ADGRL2: variants seen among roughly 807,000 people sequenced by gnomAD.
ADGRL2 encodes calcium-independent alpha-latrotoxin receptor 2.
In ADGRL2, 44 loss-of-function variants were observed where a neutral mutation model predicts 157.4. The observed-to-expected ratio is 0.28, with a 90% CI of 0.22 to 0.36. ADGRL2 has a LOEUF of 0.36. Ranked by LOEUF, ADGRL2 falls within the 10% of genes least tolerant of loss-of-function variation. The pLI is 1.00. For missense variants in ADGRL2, 1,510 were observed against 1,768.9 expected (o/e 0.85, Z 2.63); for synonymous variants, 585 against 624.7 (o/e 0.94, Z 0.95).
chr1:81,924,891 T>G (rs1472846678), intron 3 of ADGRL2, among the ~76,000 whole-genome samples: 1 of 152,158 alleles, frequency 6.6e-6, no homozygotes, highest in Non-Finnish European at 1.5e-5. Context: ...TTGGTACTAC[T>G]GTATTTGATG....
intron 2 of ADGRL2, among the ~76,000 whole-genome samples, chr1:81,580,517 A>AG (rs2080885822): frequency 6.6e-6 from 1 of 152,088 alleles, no homozygotes; most frequent in African/African-American, 2.4e-5. Flanking sequence ...GATGAAGCCA[A>AG]GGGGGATGTG....
At chr1:81,682,404 C>T (rs765880469) in intron 3 of ADGRL2, among the ~76,000 whole-genome samples, 72 of 152,090 alleles carry the variant, frequency 4.7e-4, no homozygotes, top group Non-Finnish European at 8.8e-4. Flanking sequence ...TTAAGATTGA[C>T]GTTAAGCTTC....
intron 1 of ADGRL2, among the ~76,000 whole-genome samples, chr1:81,707,046 G>A (rs982114569): frequency 6.6e-6 from 1 of 152,176 alleles, no homozygotes; most frequent in East Asian, 1.9e-4. Context: ...AAAGGGTGAG[G>A]AAAGTAGTAC....
Position 81,947,993 on chromosome 1 carries a change from C to T in ADGRL2, c.1211-2196C>T, listed in dbSNP as rs144795472. On this transcript the variant is annotated intron_variant, in intron 6 of 23. Coordinates refer to ENST00000686636, the MANE Select transcript of ADGRL2 (RefSeq NM_001366006.2). ...CAGCACTTTGGGATGTCAGGGAGGG[C>T]GGATCACGAGGTCAGGAGATCGAGA... Among the ~76,000 whole-genome samples, 415 of 152,000 alleles carry T rather than the reference C, an allele frequency of 2.7e-3. 3 individuals are homozygous for T. The highest frequency in any genetic ancestry group is 3.5e-3 in the East Asian group (18 of 5,146).
chr1:81,903,875 TAAGAG>T (rs991784416), intron 2 of ADGRL2, among the ~76,000 whole-genome samples: 11 of 148,310 alleles, frequency 7.4e-5, no homozygotes, highest in African/African-American at 2.7e-4. Context: ...AGACTTTAGA[TAAGAG>T]AAATGTATAA....
At chr1:81,891,046 A>G (rs891663353) in intron 2 of ADGRL2, among the ~76,000 whole-genome samples, 5 of 152,026 alleles carry the variant, frequency 3.3e-5, no homozygotes, top group African/African-American at 4.8e-5. Context: ...TTAGTCCAAA[A>G]AGGGTTTCCA....
chr1:81,503,575 T>A, intron 2 of ADGRL2: 1 of 1,304,360 alleles, frequency 7.7e-7, no homozygotes, highest in East Asian at 2.3e-5. Flanking sequence ...GAGCACCATT[T>A]GGCCAGACAT....
chr1:81,631,478 A>AT (rs2082009619), intron 3 of ADGRL2, among the ~76,000 whole-genome samples: 2 of 152,114 alleles, frequency 1.3e-5, no homozygotes, highest in African/African-American at 4.8e-5. Flanking sequence ...AAGTGCTGGG[A>AT]TTACAGGCAT....
chr1:81,447,621 A>G (rs2077622738), intron 2 of ADGRL2, among the ~76,000 whole-genome samples: 1 of 152,206 alleles, frequency 6.6e-6, no homozygotes, highest in African/African-American at 2.4e-5. Context: ...AATTTTTGAT[A>G]TACAACTTGA....
At chr1:81,553,138 T>G (rs1034892262) in intron 2 of ADGRL2, among the ~76,000 whole-genome samples, 13 of 152,186 alleles carry the variant, frequency 8.5e-5, no homozygotes, top group Non-Finnish European at 1.0e-4. Context: ...GAATAAATTT[T>G]TAGTGTTTCT....
At chr1:81,967,966 A>C in intron 13 of ADGRL2, 60 bp from the exon 14 acceptor site, 1 of 1,348,842 alleles carries the variant, frequency 7.4e-7, no homozygotes, top group Non-Finnish European at 1.1e-6. Context: ...ATATTAAACA[A>C]TTGCTGTTGC....
rs142756551 is a variant in ADGRL2, at chr1:81,458,675, T to C, written c.-248+13586T>C. ...GGCATGCCACAAAGTGGCTTCCATG[T>C]TGGGCACCAGTGTTTAGATGAGGTG... On this transcript the variant is annotated intron_variant, in intron 2 of 24. Transcript: ENST00000370721. Among the ~76,000 whole-genome samples, 576 of 152,310 alleles carry C rather than the reference T, an allele frequency of 3.8e-3. 3 individuals are homozygous for C. Among genetic ancestry groups the C allele is most frequent in the African/African-American group, 0.013 (553 of 41,572 alleles).
At chr1:81,363,413 G>A (rs1452392218) in intron 1 of ADGRL2, among the ~76,000 whole-genome samples, 1 of 151,950 alleles carries the variant, frequency 6.6e-6, no homozygotes, top group Non-Finnish European at 1.5e-5. Flanking sequence ...TTTCCATAAA[G>A]TTTGACAATT....
chr1:81,431,078 A>G (rs1450352685), intron 1 of ADGRL2, among the ~76,000 whole-genome samples: 1 of 152,130 alleles, frequency 6.6e-6, no homozygotes, highest in Non-Finnish European at 1.5e-5. Flanking sequence ...GGGGCCCTCC[A>G]AAGTTCTTTT....
At chr1:81,392,851 C>T (rs550464324) in intron 1 of ADGRL2, among the ~76,000 whole-genome samples, 1 of 152,126 alleles carries the variant, frequency 6.6e-6, no homozygotes, top group East Asian at 1.9e-4. Flanking sequence ...TACAAAATCT[C>T]CTGCAAAATC....
chr1:81,935,277 G>A (rs1028078449), intron 3 of ADGRL2, among the ~76,000 whole-genome samples: 8 of 151,702 alleles, frequency 5.3e-5, no homozygotes, highest in East Asian at 1.9e-4. Context: ...CATTATTTAC[G>A]TTCTTGAAAA....
intron 3 of ADGRL2, among the ~76,000 whole-genome samples, chr1:81,583,724 G>C (rs577449170): frequency 3.4e-4 from 52 of 152,056 alleles, no homozygotes; most frequent in Middle Eastern, 3.4e-3. Flanking sequence ...CACTTCTAAG[G>C]TTTGCTATTT....
intron 21 of ADGRL2, among the ~76,000 whole-genome samples, chr1:81,985,750 TTGA>T (rs1194239917): frequency 6.6e-6 from 1 of 152,008 alleles, no homozygotes. Context: ...TCTATATTGT[TTGA>T]TGTGTCTACA....
chr1:81,349,959 C>T (rs1426114400), intron 1 of ADGRL2, among the ~76,000 whole-genome samples: 2 of 152,094 alleles, frequency 1.3e-5, no homozygotes, highest in Non-Finnish European at 2.9e-5. Context: ...TATTCTCATG[C>T]TCTTTTATCA....
Sources: gnomAD v4.1 joint callset for allele counts (sites outside exome capture counted in the v4.1 genomes callset) on GRCh38, gnomAD v4.1.1 for gene constraint, MANE v1.5 for transcripts, NCBI Gene and HGNC (gene_info 2026-07-23, HGNC 2026-07-21) for gene names.